SLC30A8: variants seen among roughly 807,000 people sequenced by gnomAD.
SLC30A8 encodes solute carrier family 30 member 8, also known as proton-coupled zinc antiporter SLC30A8.
A neutral mutation model predicts 36.9 loss-of-function variants in SLC30A8; 27 were observed. The observed-to-expected ratio is 0.73, with a 90% CI of 0.54 to 1.01. SLC30A8 has a LOEUF of 1.01. Among genes scored for constraint, SLC30A8 ranks in the 50% least tolerant of loss-of-function variants. SLC30A8 has a pLI of 0.00. For synonymous variants in SLC30A8, 164 were observed against 172.4 expected (o/e 0.95, Z 0.38); for missense variants, 439 against 452.0 (o/e 0.97, Z 0.26).
intron 1 of SLC30A8, among the ~76,000 whole-genome samples, chr8:116,969,273 C>T (rs542081921): frequency 2.0e-4 from 30 of 152,188 alleles, no homozygotes; most frequent in African/African-American, 5.8e-4. Context: ...CAAAAATTAG[C>T]TGGGCGTAAT....
intron 3 of SLC30A8, 37 bp from the exon 4 acceptor site, chr8:117,157,654 T>A (rs757287573): frequency 1.2e-6 from 2 of 1,611,262 alleles, no homozygotes; most frequent in South Asian, 2.2e-5. Context: ...GATGGAGTTA[T>A]CTGTGTGTGG....
intron 2 of SLC30A8, among the ~76,000 whole-genome samples, chr8:117,041,485 C>T (rs1024002597): frequency 6.6e-5 from 10 of 152,110 alleles, no homozygotes; most frequent in African/African-American, 1.4e-4. Context: ...GTCAGGAGTT[C>T]GAGACCAGGC....
chr8:117,025,460 A>C (rs1816844228), intron 1 of SLC30A8, among the ~76,000 whole-genome samples: 1 of 152,222 alleles, frequency 6.6e-6, no homozygotes, highest in Non-Finnish European at 1.5e-5. Flanking sequence ...CATACTGGAA[A>C]GATTATGTCC....
intron 1 of SLC30A8, among the ~76,000 whole-genome samples, chr8:117,005,711 T>C (rs1816151861): frequency 6.6e-6 from 1 of 152,220 alleles, no homozygotes; most frequent in Non-Finnish European, 1.5e-5. Context: ...TAGCTATTTA[T>C]CATCATCATA....
intron 2 of SLC30A8, among the ~76,000 whole-genome samples, chr8:117,075,687 TTC>T (rs912005154): frequency 6.6e-6 from 1 of 152,236 alleles, no homozygotes; most frequent in Non-Finnish European, 1.5e-5. Flanking sequence ...AGCTTCACCT[TTC>T]TCTAATCCGT....
chr8:116,987,456 A>G (rs1815486112), intron 1 of SLC30A8, among the ~76,000 whole-genome samples: 1 of 152,188 alleles, frequency 6.6e-6, no homozygotes, highest in African/African-American at 2.4e-5. Flanking sequence ...ATGCACACGT[A>G]AAAATAAAAT....
chr8:117,159,670 C>G (rs1822676307), intron 4 of SLC30A8, among the ~76,000 whole-genome samples: 1 of 152,148 alleles, frequency 6.6e-6, no homozygotes, highest in Non-Finnish European at 1.5e-5. Flanking sequence ...GACAAATATG[C>G]CAGAGCACAC....
rs368299407 is a variant in SLC30A8, at chr8:117,168,405, T to A, written c.830-2629T>A. 5.3e-5 allele frequency among the ~76,000 whole-genome samples: 8 copies of A among 152,166 alleles called. No homozygotes were observed. In the East Asian group the frequency reaches 5.8e-4, roughly 11 times the overall value. On this transcript the variant is annotated intron_variant, in intron 6 of 7. Coordinates refer to ENST00000456015, the MANE Select transcript of SLC30A8 (RefSeq NM_173851.3). ...AATGCAATTATTTAATTATGAATGA[T>A]CAGTGGTTTTTCAAATACATTTATA... is the stretch of plus-strand genomic sequence containing the variant.
At chr8:116,967,199 TCTTA>T (rs1454364721) in intron 1 of SLC30A8, among the ~76,000 whole-genome samples, 4 of 152,162 alleles carry the variant, frequency 2.6e-5, no homozygotes, top group Non-Finnish European at 4.4e-5. Flanking sequence ...GATTTCTCTG[TCTTA>T]AACGGTAGCC....
At chr8:117,146,711 G>A (rs1821912515) in intron 1 of SLC30A8, 6 of 665,386 alleles carry the variant, frequency 9.0e-6, no homozygotes, top group East Asian at 3.6e-5. Context: ...TTAATAATTG[G>A]TGGCATTGAC....
intron 1 of SLC30A8, among the ~76,000 whole-genome samples, chr8:117,002,292 T>C (rs1816035245): frequency 1.3e-5 from 2 of 152,210 alleles, no homozygotes; most frequent in Non-Finnish European, 2.9e-5. Flanking sequence ...AGATAAGATA[T>C]ATAAACTCCA....
chr8:117,085,501 G>A (rs1030605250), intron 2 of SLC30A8, among the ~76,000 whole-genome samples: 1 of 152,140 alleles, frequency 6.6e-6, no homozygotes, highest in Non-Finnish European at 1.5e-5. Flanking sequence ...CAACTCTGAA[G>A]CAACTCACTC....
chr8:117,132,730 A>AT (rs1353934926), upstream of SLC30A8, among the ~76,000 whole-genome samples: 2 of 152,002 alleles, frequency 1.3e-5, no homozygotes, highest in Non-Finnish European at 2.9e-5. Flanking sequence ...TTTTTCATAA[A>AT]TGTTGTGATG....
chr8:116,969,492 T>C (rs193013081), intron 1 of SLC30A8, among the ~76,000 whole-genome samples: 72 of 152,288 alleles, frequency 4.7e-4, no homozygotes, highest in African/African-American at 1.6e-3. Context: ...AGTAACTTCG[T>C]ATGTATTTAT....
chr8:117,153,723 G>GGTGT (rs59464276), intron 3 of SLC30A8, among the ~76,000 whole-genome samples: 6,767 of 146,950 alleles, frequency 0.046, 313 homozygotes, highest in East Asian at 0.14. Context: ...CATGATAAGG[G>GGTGT]GTGTGTGTGT....
At chr8:116,963,826 C>T (rs1322387752) in intron 1 of SLC30A8, among the ~76,000 whole-genome samples, 1 of 152,150 alleles carries the variant, frequency 6.6e-6, no homozygotes, top group African/African-American at 2.4e-5. Flanking sequence ...CTTATTAAGG[C>T]ACTACCAAAT....
At chr8:117,044,003 A>G (rs1197694476) in intron 2 of SLC30A8, among the ~76,000 whole-genome samples, 3 of 152,232 alleles carry the variant, frequency 2.0e-5, no homozygotes, top group African/African-American at 4.8e-5. Context: ...TGATCCATCA[A>G]CTAGTAGTTA....
At chr8:117,068,155 A>G (rs984074350) in intron 2 of SLC30A8, among the ~76,000 whole-genome samples, 4 of 152,202 alleles carry the variant, frequency 2.6e-5, no homozygotes, top group African/African-American at 9.7e-5. Context: ...AATTCTTTTT[A>G]ATGAATATTA....
chr8:116,991,260 A>G (rs1267660137), intron 1 of SLC30A8, among the ~76,000 whole-genome samples: 1 of 151,960 alleles, frequency 6.6e-6, no homozygotes, highest in Non-Finnish European at 1.5e-5. Context: ...TTTGATGTCT[A>G]ACTGTATTTT....
Sources: gnomAD v4.1 joint callset for allele counts (sites outside exome capture counted in the v4.1 genomes callset) on GRCh38, gnomAD v4.1.1 for gene constraint, MANE v1.5 for transcripts, NCBI Gene and HGNC (gene_info 2026-07-23, HGNC 2026-07-21) for gene names.